The following CHLSN variants were observed in gnomAD, a reference collection of about 807,000 sequenced individuals.
CHLSN encodes the protein cholesin.
chr7:1,028,403 G>C, the CHLSN span: 1 of 986,878 alleles, frequency 1.0e-6, no homozygotes, highest in Non-Finnish European at 1.2e-6. Flanking sequence ...GCTGGAACCA[G>C]ATCCAGCCGG....
chr7:1,001,623 A>G, the CHLSN span, among the ~76,000 whole-genome samples: 1 of 67,848 alleles, frequency 1.5e-5, no homozygotes, highest in Non-Finnish European at 2.8e-5. Context: ...GCCGGTGGGG[A>G]GTCCTGCGGG....
At chr7:987,180 C>A in the CHLSN span, 1 of 1,562,198 alleles carries the variant, frequency 6.4e-7, no homozygotes, top group Non-Finnish European at 8.7e-7. Context: ...ATGGCCGGGA[C>A]GGAGACGACC....
chr7:997,750 G>A, the CHLSN span: 63 of 1,610,992 alleles, frequency 3.9e-5, no homozygotes, highest in Middle Eastern at 3.3e-4. Context: ...TCTCGGGCCC[G>A]GCCCTGCAGC....
the CHLSN span, among the ~76,000 whole-genome samples, chr7:1,061,541 C>T: frequency 5.1e-4 from 78 of 152,252 alleles, no homozygotes; most frequent in Non-Finnish European, 6.6e-4. Context: ...CCAGGAGCTG[C>T]GTCGCTGACT....
At chr7:1,078,291 C>T in the CHLSN span, among the ~76,000 whole-genome samples, 2 of 151,798 alleles carry the variant, frequency 1.3e-5, no homozygotes, top group African/African-American at 2.4e-5. Context: ...GCCTGGAGAG[C>T]GTATATTTTC....
At chr7:986,777 G>C in the CHLSN span, 2 of 1,583,880 alleles carry the variant, frequency 1.3e-6, no homozygotes, top group Non-Finnish European at 1.7e-6. Context: ...CTATGTGGAC[G>C]CCCTGATCCA....
At chr7:1,107,547 C>T in the CHLSN span, among the ~76,000 whole-genome samples, 1 of 152,220 alleles carries the variant, frequency 6.6e-6, no homozygotes, top group African/African-American at 2.4e-5. Context: ...ACCATGCTGC[C>T]CACAAGCTGC....
chr7:1,080,367 C>T, the CHLSN span, among the ~76,000 whole-genome samples: 190 of 152,332 alleles, frequency 1.2e-3, 1 homozygote, highest in African/African-American at 4.3e-3. Flanking sequence ...CGAGCAGCCA[C>T]GGCCACCTGG....
the CHLSN span, among the ~76,000 whole-genome samples, chr7:995,708 G>C: frequency 6.6e-6 from 1 of 152,272 alleles, no homozygotes; most frequent in African/African-American, 2.4e-5. Flanking sequence ...TGGCAGATCT[G>C]AAGGTTCGTG....
the CHLSN span, among the ~76,000 whole-genome samples, chr7:1,062,784 G>A: frequency 1.0e-3 from 159 of 152,262 alleles, 1 homozygote; most frequent in African/African-American, 3.5e-3. Flanking sequence ...ATGGCGGTGC[G>A]CACGGTCCGC....
the CHLSN span, among the ~76,000 whole-genome samples, chr7:1,036,174 T>C: frequency 6.6e-6 from 1 of 152,304 alleles, no homozygotes; most frequent in South Asian, 2.1e-4. Flanking sequence ...CGTGTGGTGC[T>C]GTAACAGTGG....
chr7:1,039,247 G>GC, the CHLSN span, among the ~76,000 whole-genome samples: 1 of 41,666 alleles, frequency 2.4e-5, no homozygotes, highest in African/African-American at 2.2e-4. Flanking sequence ...GGGGGGGTCA[G>GC]CCCCCCCGCC....
chr7:1,015,990 G>T, the CHLSN span, among the ~76,000 whole-genome samples: 1 of 152,000 alleles, frequency 6.6e-6, no homozygotes, highest in Non-Finnish European at 1.5e-5. Flanking sequence ...ACCATCTAGT[G>T]TCTGAGGTGT....
the CHLSN span, among the ~76,000 whole-genome samples, chr7:1,118,462 C>A: frequency 6.6e-6 from 1 of 152,110 alleles, no homozygotes. Context: ...TTATGACACA[C>A]CAAAGGAGGA....
chr7:1,084,767 G>C, the CHLSN span, among the ~76,000 whole-genome samples: 11 of 152,270 alleles, frequency 7.2e-5, no homozygotes, highest in African/African-American at 1.4e-4. Context: ...GTATCACACA[G>C]CACGTGGGGT....
At chr7:1,005,390 G>A in the CHLSN span, among the ~76,000 whole-genome samples, 3 of 152,220 alleles carry the variant, frequency 2.0e-5, no homozygotes, top group Non-Finnish European at 2.9e-5. Context: ...ATCTGAAGCC[G>A]GCCCGCAGCC....
At chr7:1,132,828 C>T in the CHLSN span, among the ~76,000 whole-genome samples, 1 of 151,758 alleles carries the variant, frequency 6.6e-6, no homozygotes, top group East Asian at 1.9e-4. Context: ...GACAAATAAC[C>T]CGGTTTTTAA....
chr7:1,031,108 C>G, the CHLSN span, among the ~76,000 whole-genome samples: 7 of 152,168 alleles, frequency 4.6e-5, no homozygotes, highest in South Asian at 1.2e-3. Context: ...AGGTCCTGGT[C>G]AGGAGGAGGG....
chr7:1,029,824 C>G, the CHLSN span, among the ~76,000 whole-genome samples: 3 of 152,212 alleles, frequency 2.0e-5, no homozygotes, highest in Admixed American at 6.5e-5. Flanking sequence ...CTGTTTTCCT[C>G]CTAGCTGTTT....
Sources: gnomAD v4.1 joint callset for allele counts (sites outside exome capture counted in the v4.1 genomes callset) on GRCh38, gnomAD v4.1.1 for gene constraint, MANE v1.5 for transcripts, NCBI Gene and HGNC (gene_info 2026-07-23, HGNC 2026-07-21) for gene names.